TNFSF4: variants seen among roughly 807,000 people sequenced by gnomAD.
The protein encoded by TNFSF4 is TNF superfamily member 4, also known as tumor necrosis factor ligand superfamily member 4.
Under a neutral mutation model 7.3 loss-of-function variants are expected in TNFSF4, and 4 were observed. The ratio of observed to expected loss-of-function variants is 0.55; its 90% CI spans 0.27 to 1.25. TNFSF4 has a LOEUF of 1.25. Ranked by LOEUF, TNFSF4 falls within the 50% of genes most tolerant of loss-of-function variation. The pLI, the probability that TNFSF4 is intolerant of heterozygous loss-of-function variation, is 0.12. For synonymous variants in TNFSF4, 76 were observed against 83.7 expected, an observed-to-expected ratio of 0.91 and a Z score of 0.50; for missense variants, 181 against 208.8, an observed-to-expected ratio of 0.87 and a Z score of 0.82.
At chr1:173,203,825 G>T (rs1210007749) in intron 1 of TNFSF4, among the ~76,000 whole-genome samples, 1 of 152,150 alleles carries the variant, frequency 6.6e-6, no homozygotes, top group African/African-American at 2.4e-5. Context: ...GTTTCAGTGA[G>T]GTTTCTCACA....
chr1:173,360,911 C>A, the TNFSF4 span, among the ~76,000 whole-genome samples: 1 of 152,174 alleles, frequency 6.6e-6, no homozygotes, highest in Non-Finnish European at 1.5e-5. Flanking sequence ...GGGCATTTCA[C>A]ACGGGCTGCT....
At chr1:173,428,939 G>A in the TNFSF4 span, among the ~76,000 whole-genome samples, 2 of 152,056 alleles carry the variant, frequency 1.3e-5, no homozygotes, top group Admixed American at 6.5e-5. Context: ...TCTGGGAGGC[G>A]GAGGTTGCAG....
chr1:173,427,873 T>C, the TNFSF4 span, among the ~76,000 whole-genome samples: 1 of 151,896 alleles, frequency 6.6e-6, no homozygotes, highest in African/African-American at 2.4e-5. Flanking sequence ...TATCTAAACA[T>C]AGAAAAGGTA....
chr1:173,236,745 A>T, the TNFSF4 span, among the ~76,000 whole-genome samples: 20 of 152,318 alleles, frequency 1.3e-4, no homozygotes, highest in African/African-American at 4.8e-4. Context: ...AAAAAACTAA[A>T]CACCAGATAT....
At chr1:173,398,295 T>A in the TNFSF4 span, among the ~76,000 whole-genome samples, 1,582 of 152,108 alleles carry the variant, frequency 0.01, 38 homozygotes, top group African/African-American at 0.034. Flanking sequence ...GAGGACCTAG[T>A]GAGCAAAAAG....
At chr1:173,313,138 CG>C in the TNFSF4 span, among the ~76,000 whole-genome samples, 2 of 151,984 alleles carry the variant, frequency 1.3e-5, no homozygotes, top group East Asian at 3.9e-4. Flanking sequence ...TGTCAGGATT[CG>C]GGGAGGAGGA....
the TNFSF4 span, among the ~76,000 whole-genome samples, chr1:173,385,834 T>A: frequency 6.6e-6 from 1 of 151,714 alleles, no homozygotes; most frequent in Non-Finnish European, 1.5e-5. Flanking sequence ...AGAGCAAGAC[T>A]CTGTCTCAGA....
downstream of TNFSF4, among the ~76,000 whole-genome samples, chr1:173,180,931 C>A (rs1016546781): frequency 2.0e-5 from 3 of 152,106 alleles, no homozygotes; most frequent in Non-Finnish European, 4.4e-5. Flanking sequence ...TTACTAAGTA[C>A]CTAGCACAAT....
At chr1:173,332,480 G>C in the TNFSF4 span, among the ~76,000 whole-genome samples, 1 of 151,910 alleles carries the variant, frequency 6.6e-6, no homozygotes, top group Non-Finnish European at 1.5e-5. Flanking sequence ...GCAGTGAGCT[G>C]AGACTGTGCC....
At chr1:173,431,827 A>C in the TNFSF4 span, among the ~76,000 whole-genome samples, 1 of 152,218 alleles carries the variant, frequency 6.6e-6, no homozygotes, top group Non-Finnish European at 1.5e-5. Context: ...GTGACAGGTC[A>C]TGTGCTTACT....
chr1:173,173,247 A>G, the TNFSF4 span, among the ~76,000 whole-genome samples: 2 of 152,262 alleles, frequency 1.3e-5, no homozygotes, highest in Middle Eastern at 3.4e-3. Context: ...TCAAAACACA[A>G]TTATGCCTTC....
the TNFSF4 span, among the ~76,000 whole-genome samples, chr1:173,256,036 C>T: frequency 8.5e-5 from 13 of 152,142 alleles, no homozygotes; most frequent in East Asian, 1.5e-3. Flanking sequence ...TTAAGCCAAA[C>T]GCACCAAGGC....
the TNFSF4 span, among the ~76,000 whole-genome samples, chr1:173,324,898 C>G: frequency 6.6e-6 from 1 of 152,174 alleles, no homozygotes; most frequent in Non-Finnish European, 1.5e-5. Flanking sequence ...GACTTAGACT[C>G]CCACACAATA....
the TNFSF4 span, among the ~76,000 whole-genome samples, chr1:173,390,734 CTTCTTTTTTTTTT>C: frequency 3.5e-5 from 3 of 85,496 alleles, no homozygotes. Flanking sequence ...CAACATTCTG[CTTCTTTTTTTTTT>C]TTCTTTTTTT....
chr1:173,309,937 A>G, the TNFSF4 span, among the ~76,000 whole-genome samples: 1 of 151,868 alleles, frequency 6.6e-6, no homozygotes, highest in Non-Finnish European at 1.5e-5. Flanking sequence ...TATCCTTTTC[A>G]CATACATTTT....
the TNFSF4 span, among the ~76,000 whole-genome samples, chr1:173,375,686 C>T: frequency 5.3e-5 from 8 of 151,904 alleles, no homozygotes; most frequent in Admixed American, 3.9e-4. Flanking sequence ...AGTAGCCAAT[C>T]GCAGGGAGGA....
chr1:173,242,651 A>G, the TNFSF4 span, among the ~76,000 whole-genome samples: 1 of 152,132 alleles, frequency 6.6e-6, no homozygotes, highest in East Asian at 1.9e-4. Flanking sequence ...GAGTCCCTAA[A>G]AGCAGAGGAC....
At chr1:173,352,281 C>T in the TNFSF4 span, among the ~76,000 whole-genome samples, 1 of 152,210 alleles carries the variant, frequency 6.6e-6, no homozygotes, top group African/African-American at 2.4e-5. Flanking sequence ...TTAACTGCTG[C>T]TGTGACCATG....
At chr1:173,231,109 T>C in the TNFSF4 span, among the ~76,000 whole-genome samples, 1 of 152,152 alleles carries the variant, frequency 6.6e-6, no homozygotes, top group Non-Finnish European at 1.5e-5. Flanking sequence ...GCCAGCATCA[T>C]CCTGATACCA....
Sources: gnomAD v4.1 joint callset for allele counts (sites outside exome capture counted in the v4.1 genomes callset) on GRCh38, gnomAD v4.1.1 for gene constraint, MANE v1.5 for transcripts, NCBI Gene and HGNC (gene_info 2026-07-23, HGNC 2026-07-21) for gene names.